DLG2: variants seen among roughly 807,000 people sequenced by gnomAD.
DLG2 encodes the protein discs large MAGUK scaffold protein 2, also known as disks large homolog 2.
In DLG2, 45 loss-of-function variants were observed where a neutral mutation model predicts 132.5. The ratio of observed to expected loss-of-function variants is 0.34; its 90% CI spans 0.27 to 0.44. The LOEUF is 0.44. Ranked by LOEUF, DLG2 falls within the 20% of genes least tolerant of loss-of-function variation. The probability of loss-of-function intolerance (pLI) is 1.00; values close to 1 mark genes in which losing one functional copy is unlikely to be tolerated. For synonymous variants in DLG2, 424 were observed against 419.6 expected (o/e 1.01, Z -0.13); for missense variants, 1,045 against 1,196.9 (o/e 0.87, Z 1.87).
At chr11:85,049,728 C>T (rs1046583435) in intron 6 of DLG2, among the ~76,000 whole-genome samples, 1 of 151,878 alleles carries the variant, frequency 6.6e-6, no homozygotes, top group Non-Finnish European at 1.5e-5. Context: ...AGAACTATTA[C>T]CATCAGTAAT....
chr11:85,062,633 T>C (rs2064289697), intron 6 of DLG2, among the ~76,000 whole-genome samples: 1 of 151,762 alleles, frequency 6.6e-6, no homozygotes, highest in Non-Finnish European at 1.5e-5. Context: ...GTTTGTTTTA[T>C]TTGCAAATTC....
chr11:83,573,443 C>T lies in DLG2; in HGVS notation c.1941-31585G>A, dbSNP rs191877355. On this transcript the variant is annotated intron_variant, in intron 19 of 27. Coordinates refer to ENST00000376104, the MANE Select transcript of DLG2 (RefSeq NM_001142699.3). Reference sequence around the variant, plus strand: ...TACAATTCAGAGACTGTTCAGAACTCTCTTCTTTCTCATATCAAAGTCTAT... The same window carrying T: ...TACAATTCAGAGACTGTTCAGAACTTTCTTCTTTCTCATATCAAAGTCTAT... 1.2e-3 allele frequency among the ~76,000 whole-genome samples: 179 copies of T among 152,234 alleles called. 2 individuals are homozygous for T. The highest frequency in any genetic ancestry group is 5.6e-4 in the Non-Finnish European group (38 of 68,014).
At chr11:84,830,694 T>C (rs1482653776) in intron 6 of DLG2, among the ~76,000 whole-genome samples, 2 of 151,534 alleles carry the variant, frequency 1.3e-5, no homozygotes. Flanking sequence ...CCTGCATAAA[T>C]GTAAAATGAG....
chr11:85,601,931 G>T (rs909329454), intron 2 of DLG2, among the ~76,000 whole-genome samples: 1 of 152,022 alleles, frequency 6.6e-6, no homozygotes, highest in African/African-American at 2.4e-5. Context: ...ATCTAATTCC[G>T]TAGTTTTAAA....
In DLG2 at chr11:83,519,676, T is replaced by C. The variant is rs182347778; in HGVS notation, c.2193+13032A>G. Among the ~76,000 whole-genome samples the C allele has an allele frequency of 3.5e-3, 526 of 152,336 alleles. 5 individuals carry two copies. Among genetic ancestry groups the C allele is most frequent in the African/African-American group, 0.012 (500 of 41,580 alleles). ...AAACATCAATTGTATTGTTATCACA[T>C]TTAAAAAATACTAATCAAAGTCAAA... is the stretch of plus-strand genomic sequence containing the variant. On this transcript the variant is annotated intron_variant, in intron 21 of 27. Transcript: ENST00000376104.
intron 15 of DLG2, among the ~76,000 whole-genome samples, chr11:83,927,348 T>C (rs1255456301): frequency 1.3e-5 from 2 of 152,138 alleles, no homozygotes; most frequent in Non-Finnish European, 2.9e-5. Flanking sequence ...TTGAGTCTTA[T>C]GAAAAATAGA....
rs907876876 is a variant in DLG2, at chr11:83,572,700, G to C, written c.1941-30842C>G. On this transcript the variant is annotated intron_variant, in intron 19 of 27. Coordinates refer to ENST00000376104, the MANE Select transcript of DLG2 (RefSeq NM_001142699.3). Reference sequence around the variant, plus strand: ...TTTACCATGCATAATGGCCAGCTATGCAGCTTCTGCTGGAGCATCTGCTGA... The same window carrying C: ...TTTACCATGCATAATGGCCAGCTATCCAGCTTCTGCTGGAGCATCTGCTGA... 3.6e-4 allele frequency among the ~76,000 whole-genome samples: 55 copies of C among 152,196 alleles called. 1 individual carries two copies. The highest frequency in any genetic ancestry group is 1.3e-3 in the African/African-American group (54 of 41,454).
intron 11 of DLG2, among the ~76,000 whole-genome samples, chr11:84,032,397 C>G (rs2095726243): frequency 6.6e-6 from 1 of 152,166 alleles, no homozygotes; most frequent in African/African-American, 2.4e-5. Flanking sequence ...ATCAAACTAG[C>G]CACACCAGTC....
At chr11:85,216,013 T>A (rs1333330761) in intron 4 of DLG2, among the ~76,000 whole-genome samples, 1 of 145,018 alleles carries the variant, frequency 6.9e-6, no homozygotes. Flanking sequence ...ATTTGGAAGT[T>A]AAAAAAAAAA....
intron 3 of DLG2, chr11:85,452,859 T>G (rs553521542): frequency 1.5e-4 from 27 of 181,272 alleles, no homozygotes; most frequent in Non-Finnish European, 2.9e-4. Context: ...TTTAATTCAG[T>G]CATCTACAAG....
At chr11:84,211,115 A>G (rs1185411403) in intron 8 of DLG2, among the ~76,000 whole-genome samples, 1 of 152,200 alleles carries the variant, frequency 6.6e-6, no homozygotes, top group Non-Finnish European at 1.5e-5. Flanking sequence ...GAAATATATG[A>G]CATCTGTTAG....
intron 21 of DLG2, among the ~76,000 whole-genome samples, chr11:83,524,083 T>C (rs1346904013): frequency 6.6e-6 from 1 of 152,150 alleles, no homozygotes; most frequent in Non-Finnish European, 1.5e-5. Context: ...GTTTAAGAGG[T>C]ATGTGCTTGT....
At chr11:84,875,418 A>C (rs1379820360) in intron 6 of DLG2, among the ~76,000 whole-genome samples, 2 of 152,098 alleles carry the variant, frequency 1.3e-5, no homozygotes, top group Non-Finnish European at 2.9e-5. Context: ...TCTACAAGGA[A>C]AATGTACACA....
intron 4 of DLG2, among the ~76,000 whole-genome samples, chr11:85,161,301 T>C (rs200361188): frequency 6.6e-6 from 1 of 152,012 alleles, no homozygotes. Flanking sequence ...GGTGGTAGGG[T>C]TGGAGGTTAT....
At chr11:83,881,047 T>TAA (rs35798418) in intron 15 of DLG2, among the ~76,000 whole-genome samples, 5 of 151,830 alleles carry the variant, frequency 3.3e-5, no homozygotes, top group Admixed American at 6.6e-5. Context: ...TCCATTTTTT[T>TAA]AAAAAAAATG....
At chr11:85,004,579 T>A (rs2058480734) in intron 6 of DLG2, among the ~76,000 whole-genome samples, 1 of 152,238 alleles carries the variant, frequency 6.6e-6, no homozygotes, top group Non-Finnish European at 1.5e-5. Context: ...TTTTTTCTTG[T>A]AAATTTGTTT....
intron 6 of DLG2, among the ~76,000 whole-genome samples, chr11:84,654,815 A>T (rs543755233): frequency 6.6e-6 from 1 of 152,260 alleles, no homozygotes; most frequent in South Asian, 2.1e-4. Context: ...TTCAGAGGCA[A>T]GAGTTTGCTG....
intron 7 of DLG2, among the ~76,000 whole-genome samples, chr11:84,306,100 A>G (rs1294251634): frequency 6.6e-6 from 1 of 152,082 alleles, no homozygotes; most frequent in East Asian, 1.9e-4. Flanking sequence ...AATGTTTTGT[A>G]TATTTTAAAG....
At chr11:85,012,722 T>C (rs2059248092) in intron 6 of DLG2, among the ~76,000 whole-genome samples, 1 of 152,160 alleles carries the variant, frequency 6.6e-6, no homozygotes. Context: ...GAAAGAAGGA[T>C]ATTCTGATTA....
Sources: allele counts gnomAD v4.1 joint callset (sites outside exome capture counted in the v4.1 genomes callset), GRCh38; gene constraint gnomAD v4.1.1; transcripts MANE v1.5; gene names NCBI Gene and HGNC (gene_info 2026-07-23, HGNC 2026-07-21).